QDPR: variants seen among roughly 807,000 people sequenced by gnomAD.
QDPR encodes dihydropteridine reductase.
QDPR carries 23 observed loss-of-function variants against 31.7 expected under a neutral mutation model. The ratio of observed to expected loss-of-function variants is 0.73; its 90% CI spans 0.52 to 1.03. QDPR has a LOEUF of 1.03. QDPR is among the 50% of genes least tolerant of loss of function. The pLI is 0.00. For synonymous variants in QDPR, 124 were observed against 124.7 expected, an observed-to-expected ratio of 0.99 and a Z score of 0.03; for missense variants, 324 against 323.8, an observed-to-expected ratio of 1.00 and a Z score of 0.00.
At chr4:17,502,211 G>A (rs577006350) in intron 3 of QDPR, among the ~76,000 whole-genome samples, 134 of 152,224 alleles carry the variant, frequency 8.8e-4, no homozygotes, top group African/African-American at 2.7e-3. Context: ...ATATGTCTAC[G>A]TCAGGTTTTC....
At chr4:17,502,976 G>A (rs912291915) in intron 3 of QDPR, among the ~76,000 whole-genome samples, 1 of 152,224 alleles carries the variant, frequency 6.6e-6, no homozygotes, top group African/African-American at 2.4e-5. Flanking sequence ...GGTAGGGCAA[G>A]CTGCCATGCT....
chr4:17,508,994 T>A (rs1474350739), intron 2 of QDPR, among the ~76,000 whole-genome samples: 3 of 151,992 alleles, frequency 2.0e-5, no homozygotes, highest in African/African-American at 7.3e-5. Context: ...CCGTCTCTAC[T>A]GAAAATACAA....
At position 17,487,104 on chromosome 4, in the gene QDPR, G is replaced by A. The variant is rs1197598431; in HGVS notation, c.*27C>T. On this transcript the variant is annotated 3_prime_UTR_variant, in exon 7 of 7. Coordinates refer to ENST00000281243, the MANE Select transcript of QDPR (RefSeq NM_000320.3). ...AGACAGGTTAGTGACTTTTCTGGCA[G>A]GCCCCTCATAGGCACTGAGATGAGG... 3.2e-6 allele frequency: 5 copies of A among 1,574,818 alleles called. No homozygotes were observed. The African/African-American group carries it at 6.8e-5, about 21-fold the overall frequency.
chr4:17,498,969 A>T (rs1481270365), intron 4 of QDPR, among the ~76,000 whole-genome samples: 1 of 152,240 alleles, frequency 6.6e-6, no homozygotes, highest in East Asian at 1.9e-4. Context: ...GCTTAACAAA[A>T]TCTAACTTAA....
chr4:17,505,148 A>G (rs1042024956), intron 2 of QDPR, among the ~76,000 whole-genome samples: 2 of 152,024 alleles, frequency 1.3e-5, no homozygotes, highest in African/African-American at 4.8e-5. Flanking sequence ...AGGACAGGCA[A>G]TTCTGGCCAT....
At chr4:17,499,757 A>C (rs28678909) in intron 4 of QDPR, among the ~76,000 whole-genome samples, 16,375 of 152,118 alleles carry the variant, frequency 0.11, 1,794 homozygotes, top group East Asian at 0.44. Flanking sequence ...CTGCTTCTAC[A>C]AAAAATACAA....
chr4:17,504,215 C>T (rs903418520), intron 3 of QDPR, among the ~76,000 whole-genome samples, 164 bp downstream of exon 3: 1 of 152,062 alleles, frequency 6.6e-6, no homozygotes, highest in Non-Finnish European at 1.5e-5. Flanking sequence ...CTTCTTTATC[C>T]GTAAAATGGA....
At chr4:17,509,236 C>G in intron 2 of QDPR, 35 bp downstream of exon 2, 1 of 1,524,876 alleles carries the variant, frequency 6.6e-7, no homozygotes, top group Non-Finnish European at 9.1e-7. Flanking sequence ...CCCCAGGGTT[C>G]CCCTCACAAT....
chr4:17,507,638 C>G (rs2108996216), intron 2 of QDPR, among the ~76,000 whole-genome samples: 1 of 150,634 alleles, frequency 6.6e-6, no homozygotes, highest in African/African-American at 2.4e-5. Context: ...GAGTCTCACT[C>G]TGTCACCCAG....
At position 17,490,675 on chromosome 4, in the gene QDPR, C is replaced by G; in HGVS notation, c.616G>C (p.Glu206Gln). ...EADFSSWTPL[E>Q]FLVETFHDWI... is the part of the protein sequence containing the mutation. ...TGTAATACTCACTCAACTAGGAATT[C>G]TAAGGGTGTCCAGGAGCTGAAGTCA... Residue 206 changes from glutamate to glutamine, a missense_variant, in exon 6 of 7, where the codon GAA becomes CAA. Glu to Gln is a conservative substitution (Grantham distance 29). Coordinates refer to ENST00000281243, the MANE Select transcript of QDPR (RefSeq NM_000320.3). 1 of 1,613,616 alleles carries G rather than the reference C, an allele frequency of 6.2e-7. No homozygotes were observed.
Position 17,500,937 on chromosome 4 carries a change from A to G in QDPR, c.436+782T>C, listed in dbSNP as rs75204122. Among the ~76,000 whole-genome samples, 327 of 152,324 alleles carry G rather than the reference A, an allele frequency of 2.1e-3. 2 individuals are homozygous for G. The highest frequency in any genetic ancestry group is 7.4e-3 in the African/African-American group (309 of 41,572). ...GAGATTAAAGTGAGAATATATGTGA[A>G]ATGAAAAGAGTGACTATAAGACCTA... On this transcript the variant is annotated intron_variant, in intron 4 of 6. Transcript: ENST00000281243.
chr4:17,490,193 G>T, intron 6 of QDPR: 1 of 204,354 alleles, frequency 4.9e-6, no homozygotes, highest in South Asian at 9.3e-5. Flanking sequence ...TCAGATATGT[G>T]CCCCCAGGCC....
chr4:17,490,836 C>T, intron 5 of QDPR, 91 bp from the exon 6 acceptor site: 1 of 926,304 alleles, frequency 1.1e-6, no homozygotes, highest in Non-Finnish European at 1.7e-6. Flanking sequence ...CGCAAACATA[C>T]AGCAGGACAA....
chr4:17,489,053 C>A lies in QDPR; in HGVS notation c.629+1609G>T, dbSNP rs545810784. 5.5e-4 allele frequency among the ~76,000 whole-genome samples: 84 copies of A among 152,278 alleles called. 2 individuals carry two copies. In the South Asian group the frequency reaches 0.017, roughly 31 times the overall value. On this transcript the variant is annotated intron_variant, in intron 6 of 6. Transcript: ENST00000281243. ...TACATGTGCACAGCGTGCAGGTTTGCTACACAGGTATGCATGTGCCATGTT... is the reference window on the plus strand; with the variant it reads ...TACATGTGCACAGCGTGCAGGTTTGATACACAGGTATGCATGTGCCATGTT...
In QDPR at chr4:17,492,425, T is replaced by A; in HGVS notation, c.437-85A>T. On this transcript the variant is annotated intron_variant, in intron 4 of 6. Coordinates refer to ENST00000281243, the MANE Select transcript of QDPR (RefSeq NM_000320.3). ...ATGCAATCTTCTCTTGAGATCTCTA[T>A]TCCCTAAAAACTTTATAAATAGCTG... 1.8e-6 allele frequency: 2 copies of A among 1,090,168 alleles called. 1 individual carries two copies. The highest frequency in any genetic ancestry group is 2.6e-5 in the South Asian group (2 of 76,640). The allele number at this position is 1,090,168 out of a possible 1,614,324, so 67.5% of individuals were successfully genotyped here.
At chr4:17,492,554 T>C (rs1434471308) in intron 4 of QDPR, 3 of 585,184 alleles carry the variant, frequency 5.1e-6, no homozygotes, top group Non-Finnish European at 6.1e-6. Context: ...TTGGGAATTA[T>C]GGCCTCTGGC....
chr4:17,505,226 C>T (rs1189542367), intron 2 of QDPR, among the ~76,000 whole-genome samples: 1 of 146,534 alleles, frequency 6.8e-6, no homozygotes, highest in Non-Finnish European at 1.5e-5. Context: ...TCATTAAGAT[C>T]AATCTTCTTA....
At chr4:17,491,274 C>T (rs1178375138) in intron 5 of QDPR, among the ~76,000 whole-genome samples, 1 of 152,118 alleles carries the variant, frequency 6.6e-6, no homozygotes, top group Non-Finnish European at 1.5e-5. Context: ...AGGAATCATT[C>T]GAATCATTCA....
At chr4:17,504,591 G>T in intron 2 of QDPR, 116 bp from the exon 3 acceptor site, 1 of 818,002 alleles carries the variant, frequency 1.2e-6, no homozygotes, top group Non-Finnish European at 2.1e-6. Context: ...ACAGTACCTG[G>T]CAATTAATGC....
Sources: allele counts gnomAD v4.1 joint callset (sites outside exome capture counted in the v4.1 genomes callset), GRCh38; gene constraint gnomAD v4.1.1; transcripts MANE v1.5; gene names NCBI Gene and HGNC (gene_info 2026-07-23, HGNC 2026-07-21).